Variants in PCDH7 observed in about 807,000 individuals in gnomAD.
PCDH7 encodes protocadherin 7, also known as protocadherin-7.
A neutral mutation model predicts 58.9 loss-of-function variants in PCDH7; 17 were observed. The ratio of observed to expected loss-of-function variants is 0.29; its 90% CI spans 0.20 to 0.43. PCDH7 has a LOEUF of 0.43. Ranked by LOEUF, PCDH7 falls within the 20% of genes least tolerant of loss-of-function variation. The probability of loss-of-function intolerance (pLI) is 1.00; values close to 1 mark genes in which losing one functional copy is unlikely to be tolerated. For missense variants in PCDH7, 1,274 were observed against 1,441.0 expected (o/e 0.88, Z 1.88); for synonymous variants, 664 against 616.4 (o/e 1.08, Z -1.14).
At chr4:30,855,889 G>A (rs895571854) in intron 1 of PCDH7, among the ~76,000 whole-genome samples, 9 of 152,060 alleles carry the variant, frequency 5.9e-5, no homozygotes, top group East Asian at 3.9e-4. Flanking sequence ...TTAATCTGCC[G>A]GATGGCCATT....
At chr4:30,962,615 C>T (rs536594655) in intron 3 of PCDH7, among the ~76,000 whole-genome samples, 12 of 151,418 alleles carry the variant, frequency 7.9e-5, no homozygotes, top group Admixed American at 7.9e-4. Context: ...AAGGAGACTC[C>T]ATCTCTACAA....
intron 1 of PCDH7, among the ~76,000 whole-genome samples, chr4:30,861,185 G>A (rs1163414941): frequency 6.6e-6 from 1 of 152,148 alleles, no homozygotes; most frequent in Non-Finnish European, 1.5e-5. Context: ...TTCTTTGTAT[G>A]TGAGGATGAT....
intron 1 of PCDH7, among the ~76,000 whole-genome samples, chr4:30,789,149 AATT>A (rs1368549353): frequency 6.6e-6 from 1 of 152,110 alleles, no homozygotes; most frequent in Non-Finnish European, 1.5e-5. Flanking sequence ...CCCCTAAGTT[AATT>A]GAAGCAAGCA....
At chr4:30,992,506 C>T (rs1219548234) in intron 3 of PCDH7, among the ~76,000 whole-genome samples, 1 of 152,108 alleles carries the variant, frequency 6.6e-6, no homozygotes, top group African/African-American at 2.4e-5. Flanking sequence ...ATGATGCTTC[C>T]TCTTGAGCTT....
At chr4:30,760,533 C>T (rs1011397010) in intron 1 of PCDH7, among the ~76,000 whole-genome samples, 2 of 152,012 alleles carry the variant, frequency 1.3e-5, no homozygotes, top group African/African-American at 4.8e-5. Context: ...AAATCACATG[C>T]ATTCCTATAC....
chr4:31,059,395 T>C (rs1757501635), intron 3 of PCDH7, among the ~76,000 whole-genome samples: 1 of 151,726 alleles, frequency 6.6e-6, no homozygotes, highest in Non-Finnish European at 1.5e-5. Context: ...TCAATTTAGG[T>C]ATAGTTATCC....
In PCDH7 at chr4:30,838,708, C is replaced by A. The variant is rs559787231; in HGVS notation, c.71-81445C>A. Among the ~76,000 whole-genome samples, 225 of 151,962 alleles carry A rather than the reference C, an allele frequency of 1.5e-3. 1 individual carries two copies. Among genetic ancestry groups the A allele is most frequent in the African/African-American group, 5.2e-3 (216 of 41,436 alleles). On this transcript the variant is annotated intron_variant, in intron 1 of 3. Transcript: ENST00000509759. The stretch of plus-strand genomic sequence containing the variant: ...AAGATTCAGATTGGTTCTCTCTATG[C>A]ACATCCTGGAAGTGGAAAGAACTGT...
chr4:30,853,156 A>T (rs1045993379), intron 1 of PCDH7, among the ~76,000 whole-genome samples: 1 of 152,104 alleles, frequency 6.6e-6, no homozygotes, highest in African/African-American at 2.4e-5. Flanking sequence ...TTCTAAAAGA[A>T]AAAACTAGGC....
At chr4:30,791,194 G>A (rs1249901508) in intron 1 of PCDH7, among the ~76,000 whole-genome samples, 2 of 152,078 alleles carry the variant, frequency 1.3e-5, no homozygotes, top group Admixed American at 1.3e-4. Flanking sequence ...CAGGCTAGTT[G>A]TTACAATGTC....
intron 1 of PCDH7, among the ~76,000 whole-genome samples, chr4:30,790,387 G>C (rs1723961711): frequency 6.6e-6 from 1 of 152,162 alleles, no homozygotes; most frequent in South Asian, 2.1e-4. Context: ...AGTGGAACTG[G>C]ACTTTGAGTC....
chr4:30,932,431 T>G (rs1744758808), intron 2 of PCDH7, among the ~76,000 whole-genome samples: 1 of 152,200 alleles, frequency 6.6e-6, no homozygotes. Flanking sequence ...TCACATAAAT[T>G]TATTATTTCT....
At chr4:31,017,679 C>T (rs925889007) in intron 3 of PCDH7, among the ~76,000 whole-genome samples, 3 of 151,974 alleles carry the variant, frequency 2.0e-5, no homozygotes. Context: ...GCAGTGTCAT[C>T]TATTTGATTG....
intron 1 of PCDH7, among the ~76,000 whole-genome samples, chr4:30,843,476 G>C (rs1162485004): frequency 1.3e-5 from 2 of 152,124 alleles, no homozygotes; most frequent in Non-Finnish European, 2.9e-5. Flanking sequence ...TTACAGGCGT[G>C]AGCCACTCCG....
At chr4:30,809,495 T>G (rs759668323) in intron 1 of PCDH7, among the ~76,000 whole-genome samples, 2 of 152,184 alleles carry the variant, frequency 1.3e-5, no homozygotes, top group Non-Finnish European at 2.9e-5. Context: ...TATGAATAAT[T>G]AAAGAAATGA....
At chr4:30,980,667 AT>A (rs1293823276) in intron 3 of PCDH7, among the ~76,000 whole-genome samples, 1 of 152,212 alleles carries the variant, frequency 6.6e-6, no homozygotes, top group Non-Finnish European at 1.5e-5. Flanking sequence ...GAGAAAAAAA[AT>A]CAAAGGCCTC....
chr4:30,854,556 T>C (rs954433230), intron 1 of PCDH7, among the ~76,000 whole-genome samples: 17 of 152,080 alleles, frequency 1.1e-4, no homozygotes, highest in Admixed American at 9.2e-4. Flanking sequence ...GGTTGAATCT[T>C]CCTATTACTT....
rs148125083 is a variant in PCDH7 at position 31,100,693 on chromosome 4, C to A, written c.*8-41780C>A. On this transcript the variant is annotated intron_variant, in intron 3 of 3. Transcript: ENST00000509759. ...CAACACTGGATCCCAGATCTCCTGGCTCCCTCTTTAGGATTTTTTCCATTC... is the reference window on the plus strand; with the variant it reads ...CAACACTGGATCCCAGATCTCCTGGATCCCTCTTTAGGATTTTTTCCATTC... Among the ~76,000 whole-genome samples, 307 of 152,290 alleles carry A rather than the reference C, an allele frequency of 2.0e-3. 3 individuals are homozygous for A. Among genetic ancestry groups the A allele is most frequent in the African/African-American group, 7.1e-3 (293 of 41,554 alleles).
At chr4:30,806,164 A>G (rs1203404577) in intron 1 of PCDH7, among the ~76,000 whole-genome samples, 2 of 152,134 alleles carry the variant, frequency 1.3e-5, no homozygotes, top group African/African-American at 4.8e-5. Flanking sequence ...TGTTGATCAC[A>G]TTGAGAATAA....
chr4:30,801,687 A>G (rs532678170), intron 1 of PCDH7, among the ~76,000 whole-genome samples: 2 of 152,350 alleles, frequency 1.3e-5, no homozygotes, highest in South Asian at 2.1e-4. Flanking sequence ...AGAAAGCTTC[A>G]TGAATCATGA....
Sources: gnomAD v4.1 joint callset for allele counts (sites outside exome capture counted in the v4.1 genomes callset) on GRCh38, gnomAD v4.1.1 for gene constraint, MANE v1.5 for transcripts, NCBI Gene and HGNC (gene_info 2026-07-23, HGNC 2026-07-21) for gene names.